GRM8: variants seen among roughly 807,000 people sequenced by gnomAD.
GRM8 encodes the protein metabotropic glutamate receptor 8.
GRM8 carries 47 observed loss-of-function variants against 87.2 expected under a neutral mutation model. The observed-to-expected ratio is 0.54, with a 90% CI of 0.43 to 0.69. GRM8 has a LOEUF of 0.69. GRM8 is among the 30% of genes least tolerant of loss of function. GRM8 has a pLI of 0.00. For missense variants in GRM8, 1,019 were observed against 1,139.2 expected (o/e 0.89, Z 1.52); for synonymous variants, 396 against 404.5 (o/e 0.98, Z 0.25).
intron 2 of GRM8, among the ~76,000 whole-genome samples, chr7:127,113,770 A>C (rs1826529193): frequency 6.6e-6 from 1 of 152,206 alleles, no homozygotes; most frequent in Non-Finnish European, 1.5e-5. Flanking sequence ...CAGGTCAAAA[A>C]AAAGCATAAT....
At chr7:126,519,561 C>CCACT (rs1232118799) in intron 9 of GRM8, among the ~76,000 whole-genome samples, 3 of 151,986 alleles carry the variant, frequency 2.0e-5, no homozygotes, top group African/African-American at 7.2e-5. Context: ...CGATGGCAGG[C>CCACT]CACTTCTGGC....
intron 3 of GRM8, among the ~76,000 whole-genome samples, chr7:126,960,480 G>A (rs1809195259): frequency 6.6e-6 from 1 of 152,092 alleles, no homozygotes; most frequent in Non-Finnish European, 1.5e-5. Context: ...TAACATTATG[G>A]CCCAAAGACT....
intron 3 of GRM8, among the ~76,000 whole-genome samples, chr7:127,051,897 A>G (rs1390197221): frequency 6.6e-6 from 1 of 152,094 alleles, no homozygotes; most frequent in Non-Finnish European, 1.5e-5. Context: ...AGAATGATAC[A>G]TAGCCCTTAG....
intron 3 of GRM8, among the ~76,000 whole-genome samples, chr7:126,964,223 A>T (rs1444891828): frequency 6.6e-6 from 1 of 152,184 alleles, no homozygotes; most frequent in African/African-American, 2.4e-5. Flanking sequence ...CTAGAAGAAA[A>T]CCTAGGCAAT....
In GRM8 at chr7:126,681,729, A is replaced by G. The variant is rs141677109; in HGVS notation, c.1358-72231T>C. Among the ~76,000 whole-genome samples, 694 of 152,356 alleles carry G rather than the reference A, an allele frequency of 4.6e-3. 10 individuals are homozygous for G. The highest frequency in any genetic ancestry group is 0.042 in the South Asian group (202 of 4,828). The stretch of plus-strand genomic sequence containing the variant: ...TAGATACATGCTTTAAGAGGCAGAC[A>G]CAAGAAGGATCCTTTTCAGTTGATA... On this transcript the variant is annotated intron_variant, in intron 7 of 10. Transcript: ENST00000339582.
At chr7:126,469,454 C>A (rs1394655835) in intron 9 of GRM8, among the ~76,000 whole-genome samples, 3 of 152,078 alleles carry the variant, frequency 2.0e-5, no homozygotes, top group African/African-American at 7.2e-5. Flanking sequence ...ATGTCCCCAC[C>A]CAAATATCAT....
chr7:126,883,423 A>G (rs933615884), intron 6 of GRM8, among the ~76,000 whole-genome samples: 2 of 152,218 alleles, frequency 1.3e-5, no homozygotes, highest in African/African-American at 4.8e-5. Flanking sequence ...TTGTATGATA[A>G]GAAGACATAT....
At chr7:126,924,871 T>C (rs1343718159) in intron 3 of GRM8, among the ~76,000 whole-genome samples, 2 of 152,178 alleles carry the variant, frequency 1.3e-5, no homozygotes, top group Non-Finnish European at 2.9e-5. Flanking sequence ...AGATAAATGC[T>C]GCTTCACAAT....
At chr7:127,194,617 C>G (rs985258313) in intron 2 of GRM8, among the ~76,000 whole-genome samples, 1 of 152,020 alleles carries the variant, frequency 6.6e-6, no homozygotes. Flanking sequence ...GAAAATGGCC[C>G]CATTCCAACA....
At chr7:127,197,790 T>C (rs1795366844) in intron 2 of GRM8, among the ~76,000 whole-genome samples, 1 of 152,178 alleles carries the variant, frequency 6.6e-6, no homozygotes, top group Non-Finnish European at 1.5e-5. Context: ...TCATTGTTCT[T>C]ATCTCAGAGG....
chr7:126,688,086 T>C (rs924881778), intron 7 of GRM8, among the ~76,000 whole-genome samples: 4 of 152,206 alleles, frequency 2.6e-5, no homozygotes, highest in Non-Finnish European at 5.9e-5. Context: ...ATTCTGTGTC[T>C]TTGTTTTTCA....
intron 1 of GRM8, chr7:127,251,342 T>C (rs1798855628): frequency 6.6e-6 from 1 of 152,176 alleles, no homozygotes. Flanking sequence ...GGAATTTTTT[T>C]TTCTTTTTTG....
chr7:126,987,305 C>T (rs1793197583), intron 3 of GRM8, among the ~76,000 whole-genome samples: 1 of 152,146 alleles, frequency 6.6e-6, no homozygotes, highest in Admixed American at 6.6e-5. Flanking sequence ...CCCAATGTCT[C>T]CTTGACTCTC....
chr7:126,575,155 A>G (rs1218373020), intron 8 of GRM8, among the ~76,000 whole-genome samples: 1 of 152,000 alleles, frequency 6.6e-6, no homozygotes, highest in Non-Finnish European at 1.5e-5. Context: ...GGTGAGCAGC[A>G]CAAGCATTAC....
At chr7:126,533,918 A>AT (rs771473423) in intron 8 of GRM8, 31 bp from the exon 9 acceptor site, 2 of 1,503,342 alleles carry the variant, frequency 1.3e-6, no homozygotes, top group Non-Finnish European at 9.1e-7. Context: ...TGAGCCTTCC[A>AT]TTTTTCCCCC....
chr7:126,443,789 T>A (rs1801717799), intron 10 of GRM8, among the ~76,000 whole-genome samples: 1 of 151,980 alleles, frequency 6.6e-6, no homozygotes, highest in Non-Finnish European at 1.5e-5. Flanking sequence ...AATAGAGAAA[T>A]ACATGCAGGC....
In GRM8 at chr7:127,185,604, A is replaced by G. The variant is rs17869515; in HGVS notation, c.510+57091T>C. On this transcript the variant is annotated intron_variant, in intron 2 of 10. Transcript: ENST00000339582. ...CACCAAAGCATAATCTACGAAAAAA[A>G]ATTGGTAAGTTGGATTTTATGAAAA... is the stretch of plus-strand genomic sequence containing the variant. Among the ~76,000 whole-genome samples the G allele has an allele frequency of 4.9e-4, 75 of 152,262 alleles. No individual in the cohort carries two copies. In the East Asian group the frequency reaches 0.013, roughly 25 times the overall value.
chr7:127,100,291 T>C (rs1825114625), intron 3 of GRM8, among the ~76,000 whole-genome samples: 1 of 152,178 alleles, frequency 6.6e-6, no homozygotes, highest in African/African-American at 2.4e-5. Context: ...TGGCAAAAGT[T>C]CCTGTTTTCT....
intron 6 of GRM8, among the ~76,000 whole-genome samples, chr7:126,814,463 A>G (rs549034660): frequency 1.3e-5 from 2 of 152,224 alleles, no homozygotes; most frequent in South Asian, 4.1e-4. Flanking sequence ...AGGCTACTCC[A>G]ACAGAAAAAC....
Sources: allele counts gnomAD v4.1 joint callset (sites outside exome capture counted in the v4.1 genomes callset), GRCh38; gene constraint gnomAD v4.1.1; transcripts MANE v1.5; gene names NCBI Gene and HGNC (gene_info 2026-07-23, HGNC 2026-07-21).